Variants in HSPBAP1 observed in about 807,000 individuals in gnomAD.
The protein encoded by HSPBAP1 is HSPB1-associated protein 1.
A neutral mutation model predicts 45.2 loss-of-function variants in HSPBAP1; 27 were observed. The ratio of observed to expected loss-of-function variants is 0.60; its 90% CI spans 0.44 to 0.82. The LOEUF is 0.82. Among genes scored for constraint, HSPBAP1 ranks in the 40% least tolerant of loss-of-function variants. The pLI is 0.00. For synonymous variants in HSPBAP1, 204 were observed against 202.7 expected, an observed-to-expected ratio of 1.01 and a Z score of -0.06; for missense variants, 510 against 590.9, an observed-to-expected ratio of 0.86 and a Z score of 1.42.
chr3:122,770,773 T>C (rs1934968710), intron 2 of HSPBAP1, among the ~76,000 whole-genome samples: 1 of 152,186 alleles, frequency 6.6e-6, no homozygotes, highest in Non-Finnish European at 1.5e-5. Flanking sequence ...AGCACAGAAT[T>C]ACATAAAGTT....
At chr3:122,781,392 A>C (rs6773687) in intron 1 of HSPBAP1, among the ~76,000 whole-genome samples, 1 of 152,108 alleles carries the variant, frequency 6.6e-6, no homozygotes, top group African/African-American at 2.4e-5. Context: ...GTCTCCACCA[A>C]AAAAATACGA....
intron 4 of HSPBAP1, among the ~76,000 whole-genome samples, chr3:122,758,471 G>T (rs182361399): frequency 6.6e-6 from 1 of 152,270 alleles, no homozygotes; most frequent in East Asian, 1.9e-4. Context: ...AACCAGGATC[G>T]CTGGCATCCC....
At chr3:122,753,272 A>C (rs545464915) in intron 5 of HSPBAP1, 9 of 252,104 alleles carry the variant, frequency 3.6e-5, no homozygotes, top group African/African-American at 2.1e-4. Context: ...CAGGAAGGAT[A>C]AGAGGTACAG....
chr3:122,753,483 G>A (rs1181740366), intron 5 of HSPBAP1: 2 of 981,042 alleles, frequency 2.0e-6, no homozygotes, highest in African/African-American at 3.5e-5. Context: ...GTCTGAGAAG[G>A]ACAGGAGATA....
At chr3:122,766,103 A>G (rs909220804) in intron 3 of HSPBAP1, among the ~76,000 whole-genome samples, 1 of 152,250 alleles carries the variant, frequency 6.6e-6, no homozygotes, top group Non-Finnish European at 1.5e-5. Flanking sequence ...CCAGACATCA[A>G]GAAGACATGC....
At chr3:122,744,940 A>G (rs1032771336) in intron 6 of HSPBAP1, among the ~76,000 whole-genome samples, 1 of 150,726 alleles carries the variant, frequency 6.6e-6, no homozygotes, top group East Asian at 1.9e-4. Flanking sequence ...TTACTAAAGA[A>G]GAATATTATG....
At chr3:122,773,245 T>C (rs1253623974) in intron 2 of HSPBAP1, among the ~76,000 whole-genome samples, 1 of 148,194 alleles carries the variant, frequency 6.7e-6, no homozygotes, top group Non-Finnish European at 1.5e-5. Context: ...CAGGAAAAAA[T>C]ACAAATTACT....
chr3:122,793,645 G>C lies in HSPBAP1; in HGVS notation c.36C>G (p.Ile12Met), dbSNP rs1457354045. The C allele has an allele frequency of 1.9e-6, 3 of 1,613,980 alleles. No homozygotes were observed. The Admixed American group carries it at 5.0e-5, about 27-fold the overall frequency. The change falls in exon 1 of 8, where the codon ATC becomes ATG. Residue 12 changes from isoleucine (I) to methionine (M), a missense_variant. Coordinates refer to ENST00000306103, the MANE Select transcript of HSPBAP1 (RefSeq NM_024610.6). ...AAGSEATTPV[I>M]VAAGAGGEEG... ...CCTCCCCTCCAGCCCCAGCCGCAAC[G>C]ATCACAGGAGTGGTCGCCTCGGAGC... is the stretch of plus-strand genomic sequence containing the variant.
intron 1 of HSPBAP1, among the ~76,000 whole-genome samples, chr3:122,785,223 T>TG (rs2107541536): frequency 6.6e-6 from 1 of 152,328 alleles, no homozygotes; most frequent in Admixed American, 6.5e-5. Context: ...GAGGAGTGCA[T>TG]GAGTGTATGT....
In HSPBAP1 at chr3:122,777,873, G is replaced by A. The variant is rs1935242435; in HGVS notation, c.98C>T (p.Ala33Val). The A allele has an allele frequency of 6.2e-7, 1 of 1,612,676 alleles. No homozygotes were observed. The change falls in exon 2 of 8, where the codon GCA becomes GTA. Residue 33 changes from alanine (A) to valine (V), a missense_variant. Ala to Val is a moderately conservative substitution (Grantham distance 64, BLOSUM62 0). Transcript: ENST00000306103. ...EHVKPFKPEK[A>V]KEIIMSLQQP... ...TTGTAAAGACATGATAATTTCTTTT[G>A]CTTTCTCTGGCTTAAAAGGTTTGAC...
intron 6 of HSPBAP1, among the ~76,000 whole-genome samples, chr3:122,748,193 TGA>T (rs991382559): frequency 2.6e-5 from 4 of 152,112 alleles, no homozygotes; most frequent in Admixed American, 1.3e-4. Context: ...GCGTGCTCGT[TGA>T]GAGTCATCAC....
chr3:122,754,432 C>G (rs1485157925), intron 5 of HSPBAP1: 1 of 613,854 alleles, frequency 1.6e-6, no homozygotes, highest in Non-Finnish European at 2.0e-6. Flanking sequence ...CCAGAATGGG[C>G]AAATCTAGAG....
Position 122,792,855 on chromosome 3 carries a change from G to C in HSPBAP1, c.64+762C>G, listed in dbSNP as rs546287661. Reference sequence around the variant, plus strand: ...CACTGCACTCCAGCCTGGTGACAGAGCGAGACTCCGTCTCAAAAAAAGAAA... The same window carrying C: ...CACTGCACTCCAGCCTGGTGACAGACCGAGACTCCGTCTCAAAAAAAGAAA... On this transcript the variant is annotated intron_variant, in intron 1 of 7. Transcript: ENST00000306103. Among the ~76,000 whole-genome samples the C allele has an allele frequency of 2.0e-5, 3 of 146,946 alleles. No individual in the cohort carries two copies. In the East Asian group the frequency reaches 6.1e-4, roughly 30 times the overall value.
At chr3:122,755,472 G>T (rs1470524869) in intron 4 of HSPBAP1, 41 bp from the exon 5 acceptor site, 3 of 1,317,586 alleles carry the variant, frequency 2.3e-6, no homozygotes, top group African/African-American at 1.5e-5. Context: ...TTAGTACTCT[G>T]ACCTTAAGAC....
intron 5 of HSPBAP1, chr3:122,754,477 G>C: frequency 1.1e-6 from 1 of 913,858 alleles, no homozygotes; most frequent in East Asian, 1.2e-4. Flanking sequence ...GGGGCTGTGG[G>C]GAGAGGGGAA....
chr3:122,750,441 C>A (rs1347093687), intron 6 of HSPBAP1, among the ~76,000 whole-genome samples: 1 of 152,092 alleles, frequency 6.6e-6, no homozygotes, highest in African/African-American at 2.4e-5. Context: ...TCCCTTAAGC[C>A]TTGTTATGAC....
At chr3:122,777,958 A>C in intron 1 of HSPBAP1, 52 bp from the exon 2 acceptor site, 2 of 1,248,566 alleles carry the variant, frequency 1.6e-6, no homozygotes, top group South Asian at 1.3e-5. Context: ...AAGTTTTTTC[A>C]TACAATATGG....
chr3:122,758,930 G>T, intron 4 of HSPBAP1: 1 of 370,802 alleles, frequency 2.7e-6, no homozygotes. Flanking sequence ...CAAGCAGAGA[G>T]CTGTCTAGCT....
At chr3:122,781,323 C>T (rs1332584076) in intron 1 of HSPBAP1, among the ~76,000 whole-genome samples, 1 of 152,248 alleles carries the variant, frequency 6.6e-6, no homozygotes, top group Non-Finnish European at 1.5e-5. Context: ...GAGGCCGAGG[C>T]TGGAGGATCA....
Sources: allele counts gnomAD v4.1 joint callset (sites outside exome capture counted in the v4.1 genomes callset), GRCh38; gene constraint gnomAD v4.1.1; transcripts MANE v1.5; gene names NCBI Gene and HGNC (gene_info 2026-07-23, HGNC 2026-07-21).